The following CADM2 variants were observed in gnomAD, a reference collection of about 807,000 sequenced individuals.
CADM2 encodes the protein cell adhesion molecule 2.
In CADM2, 12 loss-of-function variants were observed where a neutral mutation model predicts 49.8. The observed-to-expected ratio is 0.24, with a 90% confidence interval of 0.15 to 0.39. The LOEUF (loss-of-function observed/expected upper bound fraction) is 0.39, where lower values mean the gene tolerates loss of function less well. CADM2 is among the 10% of genes least tolerant of loss of function. The probability of loss-of-function intolerance (pLI) is 1.00; values close to 1 mark genes in which losing one functional copy is unlikely to be tolerated. For missense variants in CADM2, 378 were observed against 492.3 expected, an observed-to-expected ratio of 0.77 and a Z score of 2.20; for synonymous variants, 214 against 175.4, an observed-to-expected ratio of 1.22 and a Z score of -1.74.
chr3:85,443,006 A>T (rs1576563176), intron 1 of CADM2, among the ~76,000 whole-genome samples: 1 of 152,156 alleles, frequency 6.6e-6, no homozygotes, highest in African/African-American at 2.4e-5. Flanking sequence ...ATGTCTTGAA[A>T]CATGGTAACT....
intron 1 of CADM2, among the ~76,000 whole-genome samples, chr3:85,684,464 G>GAGAGAA (rs1176129341): frequency 1.3e-5 from 2 of 152,168 alleles, no homozygotes; most frequent in African/African-American, 4.8e-5. Flanking sequence ...GAGAGAGAGA[G>GAGAGAA]AGGGAGAGAC....
chr3:85,825,190 G>A (rs377613871), intron 3 of CADM2, among the ~76,000 whole-genome samples: 5 of 152,060 alleles, frequency 3.3e-5, no homozygotes, highest in African/African-American at 7.2e-5. Context: ...TACAATTACC[G>A]TGAGAGTGTG....
At chr3:85,115,827 A>G (rs2038618562) in intron 1 of CADM2, among the ~76,000 whole-genome samples, 2 of 152,182 alleles carry the variant, frequency 1.3e-5, no homozygotes, top group African/African-American at 4.8e-5. Context: ...GTGTGAGCTC[A>G]TGGTGATGGC....
chr3:85,767,698 A>T (rs1043930991), intron 2 of CADM2, among the ~76,000 whole-genome samples: 1 of 152,132 alleles, frequency 6.6e-6, no homozygotes, highest in Non-Finnish European at 1.5e-5. Context: ...AAACAATTTA[A>T]ATTTTCAGAT....
At chr3:84,995,967 T>C (rs1305641737) in intron 1 of CADM2, among the ~76,000 whole-genome samples, 1 of 152,168 alleles carries the variant, frequency 6.6e-6, no homozygotes, top group Non-Finnish European at 1.5e-5. Context: ...TCCAGCAAAC[T>C]GATAAAACTT....
At chr3:85,339,378 T>C (rs2045179127) in intron 1 of CADM2, among the ~76,000 whole-genome samples, 1 of 151,482 alleles carries the variant, frequency 6.6e-6, no homozygotes, top group Non-Finnish European at 1.5e-5. Context: ...TAATATCATA[T>C]AACACATATT....
chr3:85,674,564 C>T (rs963079011), intron 1 of CADM2, among the ~76,000 whole-genome samples: 14 of 152,072 alleles, frequency 9.2e-5, no homozygotes, highest in African/African-American at 3.4e-4. Flanking sequence ...AGCTTCCTTA[C>T]TATGACTTTT....
intron 1 of CADM2, among the ~76,000 whole-genome samples, chr3:85,406,121 A>G (rs2035364690): frequency 2.0e-5 from 3 of 152,002 alleles, no homozygotes; most frequent in Admixed American, 2.0e-4. Context: ...AGACCAACCA[A>G]TAGACAATTT....
chr3:85,602,199 A>G (rs1049595043), intron 1 of CADM2, among the ~76,000 whole-genome samples: 6 of 151,806 alleles, frequency 4.0e-5, no homozygotes, highest in African/African-American at 1.4e-4. Flanking sequence ...GGTTATTTAA[A>G]ACCATTTTAA....
chr3:85,556,034 C>G (rs1353505883), intron 1 of CADM2, among the ~76,000 whole-genome samples: 2 of 151,918 alleles, frequency 1.3e-5, no homozygotes, highest in Non-Finnish European at 2.9e-5. Context: ...GGGCATTGAC[C>G]CCCATGTAGT....
intron 1 of CADM2, among the ~76,000 whole-genome samples, chr3:85,684,328 T>C (rs1440882877): frequency 2.0e-5 from 3 of 152,088 alleles, no homozygotes; most frequent in African/African-American, 4.8e-5. Context: ...CTAGACTACA[T>C]CTTAGTAAAG....
chr3:85,074,157 T>C (rs2036858178), intron 1 of CADM2, among the ~76,000 whole-genome samples: 2 of 152,088 alleles, frequency 1.3e-5, no homozygotes. Context: ...TCCTTCCCAC[T>C]TCTCTCCAGC....
At chr3:86,017,168 G>GTGTGTATATA (rs1260899564) in intron 8 of CADM2, among the ~76,000 whole-genome samples, 2 of 141,540 alleles carry the variant, frequency 1.4e-5, no homozygotes, top group African/African-American at 5.2e-5. Flanking sequence ...GTGTGTGTGT[G>GTGTGTATATA]TATATATATA....
At chr3:85,518,436 T>TTTA (rs2060953577) in intron 1 of CADM2, among the ~76,000 whole-genome samples, 1 of 151,874 alleles carries the variant, frequency 6.6e-6, no homozygotes, top group African/African-American at 2.4e-5. Flanking sequence ...TTTTTTTTTT[T>TTTA]AAATCAAATC....
Position 85,699,081 on chromosome 3 carries a change from G to A in CADM2, c.62-27441G>A, listed in dbSNP as rs868439048. Among the ~76,000 whole-genome samples, 5 of 152,264 alleles carry A rather than the reference G, an allele frequency of 3.3e-5. No homozygotes were observed. In the South Asian group the frequency reaches 6.2e-4, roughly 19 times the overall value. ...GGTTACAGGCTCATGTAAATCCAAA[G>A]CCTGGGAGGACAGTGATTAAACTTT... On this transcript the variant is annotated intron_variant, in intron 1 of 9. Coordinates refer to ENST00000383699, the MANE Select transcript of CADM2 (RefSeq NM_001167675.2).
intron 1 of CADM2, among the ~76,000 whole-genome samples, chr3:85,249,411 G>T (rs950685263): frequency 6.6e-6 from 1 of 151,800 alleles, no homozygotes; most frequent in Non-Finnish European, 1.5e-5. Flanking sequence ...TAGTTGAAAT[G>T]ATGTTTTTAC....
chr3:85,109,534 G>T (rs1035233193), intron 1 of CADM2, among the ~76,000 whole-genome samples: 1 of 151,858 alleles, frequency 6.6e-6, no homozygotes, highest in African/African-American at 2.4e-5. Context: ...GAGGCATAGT[G>T]GGATGGTATA....
intron 9 of CADM2, among the ~76,000 whole-genome samples, 199 bp from the exon 10 acceptor site, chr3:86,066,466 C>T (rs912197126): frequency 6.6e-6 from 1 of 151,716 alleles, no homozygotes; most frequent in African/African-American, 2.4e-5. Flanking sequence ...TGGCTCTTGC[C>T]TGTAGTAAAT....
chr3:85,396,646 G>C (rs1257302720), intron 1 of CADM2, among the ~76,000 whole-genome samples: 1 of 151,778 alleles, frequency 6.6e-6, no homozygotes, highest in Non-Finnish European at 1.5e-5. Context: ...ATTTAATGTT[G>C]AAAATAATAA....
Sources: allele counts gnomAD v4.1 joint callset (sites outside exome capture counted in the v4.1 genomes callset), GRCh38; gene constraint gnomAD v4.1.1; transcripts MANE v1.5; gene names NCBI Gene and HGNC (gene_info 2026-07-23, HGNC 2026-07-21).